The following DNMT3L variants were observed in gnomAD, a reference collection of about 807,000 sequenced individuals.
The protein encoded by DNMT3L is DNA methyltransferase 3 like.
In DNMT3L, 33 loss-of-function variants were observed where a neutral mutation model predicts 36.2. The observed-to-expected ratio is 0.91, with a 90% CI of 0.69 to 1.22. DNMT3L has a LOEUF of 1.22. DNMT3L is among the 50% of genes most tolerant of loss of function. DNMT3L has a pLI of 0.00. For missense variants in DNMT3L, 310 were observed against 303.1 expected (o/e 1.02, Z -0.17); for synonymous variants, 117 against 121.7 (o/e 0.96, Z 0.26).
chr21:44,261,845 G>A lies in DNMT3L; in HGVS notation c.-113C>T, dbSNP rs905386857. On this transcript the variant is annotated 5_prime_UTR_variant, in exon 1 of 12. Coordinates refer to ENST00000628202, the MANE Select transcript of DNMT3L (RefSeq NM_175867.3). ...CCCGGGGAGGACTGGGCCATGGAAC[G>A]AGGGACGGCGCAGGCAAAGAATGAG... The A allele has an allele frequency of 6.6e-6, 1 of 152,576 alleles. No homozygotes were observed. Among genetic ancestry groups the A allele is most frequent in the East Asian group, 1.9e-4 (1 of 5,216 alleles). 9.5% of individuals were successfully genotyped at this position (152,576 alleles called of 1,614,324 possible).
chr21:44,254,740 G>T (rs772156144), intron 7 of DNMT3L, 35 bp from the exon 8 acceptor site: 2 of 1,610,998 alleles, frequency 1.2e-6, no homozygotes, highest in Non-Finnish European at 1.7e-6. Flanking sequence ...CCCAGAGGGT[G>T]AGCGTGGATT....
chr21:44,256,388 C>T (rs954711223), intron 6 of DNMT3L, among the ~76,000 whole-genome samples: 5 of 150,896 alleles, frequency 3.3e-5, no homozygotes, highest in Admixed American at 2.6e-4. Context: ...TGTCTCCAGC[C>T]GAGAGACAGT....
intron 6 of DNMT3L, among the ~76,000 whole-genome samples, chr21:44,257,196 A>G (rs1032643303): frequency 6.6e-6 from 1 of 152,014 alleles, no homozygotes; most frequent in Non-Finnish European, 1.5e-5. Flanking sequence ...CCTGGCCAAC[A>G]TGGTGAAACC....
chr21:44,257,419 C>A (rs1009923472), intron 6 of DNMT3L, among the ~76,000 whole-genome samples: 42 of 151,538 alleles, frequency 2.8e-4, no homozygotes, highest in Non-Finnish European at 7.4e-5. Context: ...CGGTGGCTCA[C>A]GCCTGTAATC....
In DNMT3L at chr21:44,261,250, T is replaced by A. The variant is rs746499166; in HGVS notation, c.10A>T (p.Ile4Phe). 2.5e-6 allele frequency: 4 copies of A among 1,612,504 alleles called. No individual in the cohort carries two copies. In the Admixed American group the frequency reaches 6.7e-5, roughly 27 times the overall value. The change falls in exon 2 of 12, where the codon ATC becomes TTC. Residue 4 changes from isoleucine (I) to phenylalanine (F), a missense_variant. Physicochemically the swap from Ile to Phe is conservative, Grantham distance 21. Transcript: ENST00000628202. MAA[I>F]PALDPEAEPS... is the part of the protein sequence containing the mutation. Reference sequence around the variant, plus strand: ...TCGGCCTCTGGGTCCAGGGCTGGGATGGCCGCCATGGGGATGCTGTGTCAG... The same window carrying A: ...TCGGCCTCTGGGTCCAGGGCTGGGAAGGCCGCCATGGGGATGCTGTGTCAG...
chr21:44,256,190 G>A (rs765114024), intron 6 of DNMT3L, 36 bp from the exon 7 acceptor site: 18 of 1,603,184 alleles, frequency 1.1e-5, no homozygotes, highest in South Asian at 7.7e-5. Context: ...ACATTGTGCC[G>A]GCTACTTGGC....
In DNMT3L at chr21:44,257,302, G is replaced by C. The variant is rs972833654; in HGVS notation, c.517-1148C>G. On this transcript the variant is annotated intron_variant, in intron 6 of 11. Coordinates refer to ENST00000628202, the MANE Select transcript of DNMT3L (RefSeq NM_175867.3). Reference sequence around the variant, plus strand: ...GCAGGAAGGAGAATCGCTTGAACCCGGGAGGCCGAGGTTGCAGTGAGCCAA... The same window carrying C: ...GCAGGAAGGAGAATCGCTTGAACCCCGGAGGCCGAGGTTGCAGTGAGCCAA... 2.6e-5 allele frequency among the ~76,000 whole-genome samples: 4 copies of C among 152,316 alleles called. No individual in the cohort carries two copies. In the Middle Eastern group the frequency reaches 0.01, roughly 389 times the overall value.
chr21:44,254,912 G>A (rs918458243), intron 7 of DNMT3L, among the ~76,000 whole-genome samples: 5 of 152,242 alleles, frequency 3.3e-5, no homozygotes, highest in Non-Finnish European at 5.9e-5. Flanking sequence ...TGCAACCTCC[G>A]CCTCCCAGGT....
chr21:44,256,217 T>G, intron 6 of DNMT3L, 63 bp from the exon 7 acceptor site: 1 of 1,558,180 alleles, frequency 6.4e-7, no homozygotes, highest in East Asian at 2.3e-5. Flanking sequence ...GCCCTTGAGT[T>G]ACAATGAAAA....
chr21:44,259,708 A>G lies in DNMT3L; in HGVS notation c.155T>C (p.Ile52Thr). 6.2e-7 allele frequency: 1 copy of G among 1,610,074 alleles called. No homozygotes were observed. The highest frequency in any genetic ancestry group is 1.1e-5 in the South Asian group (1 of 90,466). The change falls in exon 4 of 12, where the codon ATC becomes ACC. Residue 52 changes from isoleucine (I) to threonine (T), a missense_variant. By Grantham distance (89) the Ile-to-Thr change is moderately conservative. Coordinates refer to ENST00000628202, the MANE Select transcript of DNMT3L (RefSeq NM_175867.3). ...CTGGAGACTTCCGCAGCAGATGCAGATGTCTAAAGGAAACATTCAAAGCAC... is the reference window on the plus strand; with the variant it reads ...CTGGAGACTTCCGCAGCAGATGCAGGTGTCTAAAGGAAACATTCAAAGCAC... Reference protein sequence around the residue: ...VKANQRNIEDICICCGSLQVH... With the variant: ...VKANQRNIEDTCICCGSLQVH...
Position 44,258,514 on chromosome 21 carries a change from G to A in DNMT3L, c.516+9C>T. 5 of 1,547,318 alleles carry A rather than the reference G, an allele frequency of 3.2e-6. No individual in the cohort carries two copies. The highest frequency in any genetic ancestry group is 1.2e-5 in the South Asian group (1 of 84,402). ...GCTGCCGGGTGCTGCCCCTCCACGGGCTCCTTACCGACTCTCGGTCGTAGA... is the reference window on the plus strand; with the variant it reads ...GCTGCCGGGTGCTGCCCCTCCACGGACTCCTTACCGACTCTCGGTCGTAGA... On this transcript the variant is annotated intron_variant, in intron 6 of 11. Transcript: ENST00000628202. This position sits in a 1 kb window ranked among gnomAD's most constrained non-coding sequence, Gnocchi z 6.2.
intron 6 of DNMT3L, among the ~76,000 whole-genome samples, chr21:44,257,039 C>A (rs2040264950): frequency 6.6e-6 from 1 of 152,188 alleles, no homozygotes; most frequent in Admixed American, 6.5e-5. Context: ...TCACCGGGGG[C>A]CACACCCCTT....
In DNMT3L at chr21:44,258,410, A is replaced by T. The variant is rs891143699; in HGVS notation, c.516+113T>A. The stretch of plus-strand genomic sequence containing the variant: ...ACCCAGGAAAGAGTGTTTGCTCCCG[A>T]GGCTGCAGCCGTGGTGCCCGTCGGC... On this transcript the variant is annotated intron_variant, in intron 6 of 11. Transcript: ENST00000628202. This position sits in a 1 kb window ranked among gnomAD's most constrained non-coding sequence, Gnocchi z 6.2. The T allele has an allele frequency of 5.8e-5, 81 of 1,391,492 alleles. No individual in the cohort carries two copies. The highest frequency in any genetic ancestry group is 6.9e-5 in the Non-Finnish European group (72 of 1,050,702). The allele number at this position is 1,391,492 out of a possible 1,614,324, so 86.2% of individuals were successfully genotyped here. A position where few individuals can be genotyped will look rare whatever the true frequency, so the allele number is the denominator to read the frequency against.
At chr21:44,257,701 TA>T (rs1491408015) in intron 6 of DNMT3L, among the ~76,000 whole-genome samples, 1 of 49,148 alleles carries the variant, frequency 2.0e-5, no homozygotes, top group African/African-American at 1.4e-4. Flanking sequence ...AAAAAATAAA[TA>T]AATAAATAAA....
chr21:44,256,761 T>C (rs1257995517), intron 6 of DNMT3L, among the ~76,000 whole-genome samples: 1 of 152,066 alleles, frequency 6.6e-6, no homozygotes, highest in Non-Finnish European at 1.5e-5. Context: ...GCCAACCTGA[T>C]GGGCTAGGCG....
At chr21:44,257,407 T>C (rs1348112520) in intron 6 of DNMT3L, among the ~76,000 whole-genome samples, 18 of 146,388 alleles carry the variant, frequency 1.2e-4, no homozygotes, top group East Asian at 2.1e-4. Context: ...ACAAGGCCGG[T>C]GCGGTGGCTC....
intron 6 of DNMT3L, among the ~76,000 whole-genome samples, chr21:44,257,655 T>TG (rs1387271244): frequency 5.8e-5 from 8 of 139,130 alleles, no homozygotes; most frequent in Non-Finnish European, 1.1e-4. Flanking sequence ...CACTCCAGCC[T>TG]GGGCGACAGA....
In DNMT3L at chr21:44,259,510, C is replaced by CG; in HGVS notation, c.270dup (p.Gly91ArgfsTer22). 6.2e-7 allele frequency: 1 copy of CG among 1,613,708 alleles called. No individual in the cohort carries two copies. Among genetic ancestry groups the CG allele is most frequent in the African/African-American group, 1.3e-5 (1 of 75,038 alleles). On this transcript the variant is annotated frameshift_variant, in exon 5 of 12. Coordinates refer to ENST00000628202, the MANE Select transcript of DNMT3L (RefSeq NM_175867.3). LOFTEE classifies it high-confidence loss of function. ...CAGATGGAGCAGTAGGATTGGTACC[C>CG]GTCATCGTCGTACAGGAAGAGGGCA...
In DNMT3L at chr21:44,258,393, AAG is replaced by A; in HGVS notation, c.516+128_516+129del. 1 of 1,301,866 alleles carries A rather than the reference AAG, an allele frequency of 7.7e-7. No homozygotes were observed. Among genetic ancestry groups the A allele is most frequent in the Non-Finnish European group, 1.0e-6 (1 of 974,664 alleles). The allele number at this position is 1,301,866 out of a possible 1,614,324, so 80.6% of individuals were successfully genotyped here. The stretch of plus-strand genomic sequence containing the variant: ...GCCACTATCGGAGAGGAACCCAGGA[AAG>A]AGTGTTTGCTCCCGAGGCTGCAGCC... On this transcript the variant is annotated intron_variant, in intron 6 of 11. Coordinates refer to ENST00000628202, the MANE Select transcript of DNMT3L (RefSeq NM_175867.3). The surrounding 1 kb of genome is among the most constrained non-coding windows in gnomAD (Gnocchi z 6.2).
Sources: allele counts gnomAD v4.1 joint callset (sites outside exome capture counted in the v4.1 genomes callset), GRCh38; gene constraint gnomAD v4.1.1; non-coding constraint Gnocchi (gnomAD v3.1); transcripts MANE v1.5; gene names NCBI Gene and HGNC (gene_info 2026-07-23, HGNC 2026-07-21).